Variants in IMMP2L observed in about 807,000 individuals in gnomAD.
IMMP2L encodes the protein inner mitochondrial membrane peptidase subunit 2, also known as mitochondrial inner membrane protease subunit 2.
Under a neutral mutation model 19.3 loss-of-function variants are expected in IMMP2L, and 18 were observed. The ratio of observed to expected loss-of-function variants is 0.93; its 90% CI spans 0.64 to 1.38. IMMP2L has a LOEUF of 1.38. IMMP2L is among the 40% of genes most tolerant of loss of function. The pLI, the probability that IMMP2L is intolerant of heterozygous loss-of-function variation, is 0.00. For missense variants in IMMP2L, 233 were observed against 218.2 expected, an observed-to-expected ratio of 1.07 and a Z score of -0.43; for synonymous variants, 76 against 73.0, an observed-to-expected ratio of 1.04 and a Z score of -0.21.
At chr7:111,048,119 A>T (rs528735747) in intron 3 of IMMP2L, among the ~76,000 whole-genome samples, 2 of 151,560 alleles carry the variant, frequency 1.3e-5, no homozygotes, top group Admixed American at 6.6e-5. Flanking sequence ...AGGCACCTGT[A>T]GTCCCAGCTA....
At chr7:110,898,661 A>G (rs1316267895) in intron 4 of IMMP2L, among the ~76,000 whole-genome samples, 2 of 152,178 alleles carry the variant, frequency 1.3e-5, no homozygotes, top group Non-Finnish European at 2.9e-5. Context: ...ATTGCTCCCC[A>G]TCTGTGAGTA....
At chr7:111,066,438 G>A (rs1038440518) in intron 3 of IMMP2L, among the ~76,000 whole-genome samples, 1 of 152,118 alleles carries the variant, frequency 6.6e-6, no homozygotes. Flanking sequence ...AAAGCAGAAG[G>A]CATTGGAAAA....
At chr7:111,020,154 C>T (rs1346690829) in intron 3 of IMMP2L, among the ~76,000 whole-genome samples, 3 of 150,952 alleles carry the variant, frequency 2.0e-5, no homozygotes, top group African/African-American at 4.9e-5. Context: ...GAGGCTGAGG[C>T]GGGTGGATCA....
intron 3 of IMMP2L, among the ~76,000 whole-genome samples, chr7:111,232,788 C>T (rs186187860): frequency 8.7e-4 from 132 of 152,146 alleles, no homozygotes; most frequent in African/African-American, 3.1e-3. Context: ...AACCCTATAG[C>T]TTATCTCTGC....
rs181221676 is a variant in IMMP2L at position 110,889,370 on chromosome 7, A to T, written c.306-2675T>A. Among the ~76,000 whole-genome samples, 805 of 152,202 alleles carry T rather than the reference A, an allele frequency of 5.3e-3. 7 individuals carry two copies. Among genetic ancestry groups the T allele is most frequent in the Non-Finnish European group, 5.0e-3 (341 of 67,990 alleles). On this transcript the variant is annotated intron_variant, in intron 4 of 5. Transcript: ENST00000405709. ...AACTAGATGGTTCCCTCTGGGGGTG[A>T]TGGGAGATAGTGACAGATCATCAGG...
At chr7:110,823,221 T>G (rs1396278557) in intron 5 of IMMP2L, among the ~76,000 whole-genome samples, 15 of 152,122 alleles carry the variant, frequency 9.9e-5, no homozygotes, top group Non-Finnish European at 2.1e-4. Context: ...TTGACTTTTT[T>G]CTTTCAATAA....
intron 3 of IMMP2L, among the ~76,000 whole-genome samples, chr7:111,155,669 A>T (rs570745411): frequency 6.7e-6 from 1 of 148,542 alleles, no homozygotes; most frequent in East Asian, 2.0e-4. Context: ...TTTATATGCA[A>T]TTATATATAT....
chr7:111,006,877 A>T (rs139781720), intron 3 of IMMP2L, among the ~76,000 whole-genome samples: 1,581 of 152,246 alleles, frequency 0.01, 41 homozygotes, highest in Admixed American at 0.045. Flanking sequence ...CCTCTGCTGA[A>T]TCATTCACAT....
intron 3 of IMMP2L, among the ~76,000 whole-genome samples, chr7:111,065,900 A>ATGTGTGTG (rs71151828): frequency 1.3e-5 from 2 of 150,620 alleles, no homozygotes; most frequent in Non-Finnish European, 2.9e-5. Flanking sequence ...CCCTAATACA[A>ATGTGTGTG]TGTGTGTGTG....
chr7:111,176,303 G>T (rs572460645), intron 3 of IMMP2L, among the ~76,000 whole-genome samples: 1 of 151,882 alleles, frequency 6.6e-6, no homozygotes, highest in African/African-American at 2.4e-5. Context: ...ATTCAAAGAG[G>T]TATCTATCTG....
chr7:111,185,409 C>T (rs544451826), intron 3 of IMMP2L, among the ~76,000 whole-genome samples: 4 of 152,020 alleles, frequency 2.6e-5, no homozygotes, highest in African/African-American at 9.7e-5. Flanking sequence ...ATGTTCATTG[C>T]ATTTAGAAAC....
chr7:111,230,361 T>C (rs959930797), intron 3 of IMMP2L, among the ~76,000 whole-genome samples: 7 of 152,016 alleles, frequency 4.6e-5, no homozygotes, highest in African/African-American at 1.4e-4. Flanking sequence ...TTCCATACTT[T>C]AGATCACACA....
intron 3 of IMMP2L, among the ~76,000 whole-genome samples, chr7:111,383,222 G>C (rs988623763): frequency 6.6e-6 from 1 of 152,014 alleles, no homozygotes; most frequent in Non-Finnish European, 1.5e-5. Context: ...CCTTCCCAAG[G>C]CAAGAGTCAT....
chr7:110,736,271 A>C (rs2091309), intron 5 of IMMP2L, among the ~76,000 whole-genome samples: 3 of 152,054 alleles, frequency 2.0e-5, no homozygotes, highest in African/African-American at 7.2e-5. Flanking sequence ...GCCCCTAGTA[A>C]GGTAACACCC....
chr7:110,821,515 G>A (rs1000691986), intron 5 of IMMP2L, among the ~76,000 whole-genome samples: 6 of 152,074 alleles, frequency 3.9e-5, no homozygotes, highest in Non-Finnish European at 8.8e-5. Flanking sequence ...AGGATGTTGG[G>A]TAGTTTTACA....
chr7:111,322,492 A>G (rs193054488), intron 3 of IMMP2L, among the ~76,000 whole-genome samples: 39 of 151,946 alleles, frequency 2.6e-4, no homozygotes, highest in African/African-American at 8.9e-4. Flanking sequence ...GGAACAGCAT[A>G]AGAATTCTCC....
chr7:111,126,334 T>C (rs752874762), intron 3 of IMMP2L, among the ~76,000 whole-genome samples: 40 of 152,156 alleles, frequency 2.6e-4, no homozygotes, highest in Non-Finnish European at 3.5e-4. Flanking sequence ...ATAAAACATA[T>C]AGCATTAGTA....
chr7:110,973,875 A>C (rs1820414488), intron 3 of IMMP2L, among the ~76,000 whole-genome samples: 1 of 152,058 alleles, frequency 6.6e-6, no homozygotes, highest in Admixed American at 6.6e-5. Context: ...CCATCATTCC[A>C]TTGCTCAAAC....
At chr7:110,934,883 T>C (rs1815905844) in intron 4 of IMMP2L, among the ~76,000 whole-genome samples, 2 of 152,200 alleles carry the variant, frequency 1.3e-5, no homozygotes, top group South Asian at 4.1e-4. Context: ...TTTGAGCCTA[T>C]GTGTGTCTTT....
Sources: allele counts gnomAD v4.1 joint callset (sites outside exome capture counted in the v4.1 genomes callset), GRCh38; gene constraint gnomAD v4.1.1; transcripts MANE v1.5; gene names NCBI Gene and HGNC (gene_info 2026-07-23, HGNC 2026-07-21).